The following MRNIP variants were observed in gnomAD, a reference collection of about 807,000 sequenced individuals.
MRNIP encodes MRN complex-interacting protein.
Under a neutral mutation model 29.8 loss-of-function variants are expected in MRNIP, and 30 were observed. The ratio of observed to expected loss-of-function variants is 1.01; its 90% CI spans 0.75 to 1.36. The LOEUF is 1.36. Ranked by LOEUF, MRNIP falls within the 40% of genes most tolerant of loss-of-function variation. The pLI is 0.00. For synonymous variants in MRNIP, 201 were observed against 164.1 expected, an observed-to-expected ratio of 1.23 and a Z score of -1.72; for missense variants, 459 against 423.5, an observed-to-expected ratio of 1.08 and a Z score of -0.74.
intron 2 of MRNIP, among the ~76,000 whole-genome samples, chr5:179,852,310 C>T (rs1469520011): frequency 2.0e-5 from 3 of 150,584 alleles, no homozygotes; most frequent in Non-Finnish European, 3.0e-5. Context: ...CCCCAAAAAA[C>T]AGCAATTTAA....
In MRNIP at chr5:179,837,512, G is replaced by C; in HGVS notation, c.911C>G (p.Ser304Ter). ...SGSERPCGKT[S>*]WDARTPWAEG... ...TGCCCAGGGAGTCCTTGCGTCCCAT[G>C]AGGTCTTCCCGCAAGGCCTCTCAGA... is the stretch of plus-strand genomic sequence containing the variant. The change falls in exon 7 of 7, where the codon TCA becomes TGA. Residue 304 changes from serine (S) to a stop codon, truncating the protein, a stop_gained. Transcript: ENST00000292586. LOFTEE classifies it low-confidence loss of function (END_TRUNC). The C allele has an allele frequency of 4.3e-6, 7 of 1,614,230 alleles. No individual in the cohort carries two copies. Among genetic ancestry groups the C allele is most frequent in the Non-Finnish European group, 5.1e-6 (6 of 1,180,034 alleles).
intron 1 of MRNIP, among the ~76,000 whole-genome samples, chr5:179,857,610 T>G (rs1054820667): frequency 2.0e-5 from 3 of 152,144 alleles, no homozygotes; most frequent in African/African-American, 7.2e-5. Context: ...AGAAAATAAG[T>G]AAAAAGTTTC....
At position 179,858,774 on chromosome 5, in the gene MRNIP, C is replaced by T; in HGVS notation, c.23G>A (p.Arg8Gln). ...GCGGCAGCTGCAGCAGCGTAGCACC[C>T]GAGAACGCTGAAGCGACGCCATCCC... MASLQRS[R>Q]VLRCCSCRLF... Residue 8 changes from arginine to glutamine, a missense_variant, in exon 1 of 7, where the codon CGG (arginine) becomes CAG (glutamine). Transcript: ENST00000292586. 1.9e-6 allele frequency: 3 copies of T among 1,541,226 alleles called. No individual in the cohort carries two copies. The highest frequency in any genetic ancestry group is 2.0e-5 in the Admixed American group (1 of 50,544).
At chr5:179,841,873 TG>T in intron 5 of MRNIP, 33 bp downstream of exon 5, 1 of 1,608,098 alleles carries the variant, frequency 6.2e-7, no homozygotes, top group African/African-American at 1.3e-5. Context: ...GCAGAGGCCC[TG>T]GGCCAGGGCT....
intron 2 of MRNIP, among the ~76,000 whole-genome samples, chr5:179,851,764 G>T (rs1304864816): frequency 6.6e-6 from 1 of 152,026 alleles, no homozygotes; most frequent in Non-Finnish European, 1.5e-5. Flanking sequence ...AGATCACGAG[G>T]TCAGGAGATT....
chr5:179,837,554 T>G lies in MRNIP; in HGVS notation c.869A>C (p.His290Pro), dbSNP rs1758649926. 1 of 1,614,066 alleles carries G rather than the reference T, an allele frequency of 6.2e-7. No individual in the cohort carries two copies. Among genetic ancestry groups the G allele is most frequent in the African/African-American group, 1.3e-5 (1 of 75,034 alleles). Residue 290 changes from histidine to proline, a missense_variant, in exon 7 of 7, where the codon CAC (histidine) becomes CCC (proline). Physicochemically the swap from His to Pro is moderately conservative, Grantham distance 77. Transcript: ENST00000292586. ...TAAVQLPRAT[H>P]PVTSGSERPC... ...CCTCTCAGACCCAGATGTGACGGGGTGTGTGGCCCGAGGAAGCTGGACAGC... is the reference window on the plus strand; with the variant it reads ...CCTCTCAGACCCAGATGTGACGGGGGGTGTGGCCCGAGGAAGCTGGACAGC...
chr5:179,844,101 A>C (rs1004740611), intron 4 of MRNIP, 51 bp downstream of exon 4: 3 of 1,453,674 alleles, frequency 2.1e-6, no homozygotes, highest in Non-Finnish European at 2.9e-6. Context: ...CTGTGCATTC[A>C]TCCCTTCCCT....
In MRNIP at chr5:179,844,139, G is replaced by T; in HGVS notation, c.291+13C>A. The stretch of plus-strand genomic sequence containing the variant: ...CACAGAGCCAGCCTGGGGCAGGTGG[G>T]CCTGAGGCTTACCTGCTGCTTCACA... On this transcript the variant is annotated intron_variant, in intron 4 of 6. Transcript: ENST00000292586. 1 of 1,612,680 alleles carries T rather than the reference G, an allele frequency of 6.2e-7. No homozygotes were observed. The highest frequency in any genetic ancestry group is 8.5e-7 in the Non-Finnish European group (1 of 1,178,790).
intron 1 of MRNIP, among the ~76,000 whole-genome samples, chr5:179,856,172 C>T (rs1292985052): frequency 6.6e-6 from 1 of 151,960 alleles, no homozygotes; most frequent in East Asian, 1.9e-4. Context: ...TCCCAAAGTG[C>T]TGGGATTACA....
chr5:179,845,702 G>C (rs1160939818), intron 3 of MRNIP: 1 of 151,642 alleles, frequency 6.6e-6, no homozygotes, highest in African/African-American at 2.4e-5. Context: ...CACCATGTTG[G>C]CCAAGCTGGG....
intron 3 of MRNIP, chr5:179,846,110 C>A (rs975614646): frequency 4.6e-5 from 7 of 151,012 alleles, no homozygotes; most frequent in African/African-American, 9.8e-5. Context: ...TCACCCACTT[C>A]TTTTATTGGA....
chr5:179,852,611 G>T (rs1759417933), intron 2 of MRNIP, among the ~76,000 whole-genome samples: 1 of 152,204 alleles, frequency 6.6e-6, no homozygotes, highest in African/African-American at 2.4e-5. Context: ...ATACTGAGAA[G>T]AGGGAGGGGA....
intron 4 of MRNIP, among the ~76,000 whole-genome samples, chr5:179,842,699 CAAAAAAAAAAAA>C (rs58952171): frequency 2.4e-4 from 7 of 28,992 alleles, no homozygotes; most frequent in African/African-American, 8.7e-4. Context: ...GACTCCGTCT[CAAAAAAAAAAAA>C]AAAAAAAAAA....
intron 2 of MRNIP, among the ~76,000 whole-genome samples, chr5:179,851,963 C>T (rs141551952): frequency 0.019 from 2,793 of 148,262 alleles, 98 homozygotes; most frequent in African/African-American, 0.067. Context: ...AGTGACAGAG[C>T]GAGACTCCGT....
rs1387415599 is a variant in MRNIP, at chr5:179,838,046, A to G, written c.538-161T>C. 18 of 657,016 alleles carry G rather than the reference A, an allele frequency of 2.7e-5. No homozygotes were observed. The South Asian group carries it at 3.1e-4, about 11-fold the overall frequency. 40.7% of individuals were successfully genotyped at this position (657,016 alleles called of 1,614,324 possible). On this transcript the variant is annotated intron_variant, in intron 6 of 6. Transcript: ENST00000292586. Reference sequence around the variant, plus strand: ...CTTTGATTTTGAGGGTTAGCAAGACAAAGCAAATAAATGCCTTCCACCTCA... The same window carrying G: ...CTTTGATTTTGAGGGTTAGCAAGACGAAGCAAATAAATGCCTTCCACCTCA...
chr5:179,847,414 C>A, intron 3 of MRNIP: 1 of 152,742 alleles, frequency 6.5e-6, no homozygotes, highest in Non-Finnish European at 1.5e-5. Context: ...GTGATCTGCC[C>A]GCCTTGGCCT....
chr5:179,841,681 G>A, intron 5 of MRNIP: 1 of 588,944 alleles, frequency 1.7e-6, no homozygotes. Context: ...CATAAAGGGT[G>A]TGCACACGGG....
intron 2 of MRNIP, among the ~76,000 whole-genome samples, chr5:179,848,346 G>A (rs955327417): frequency 1.3e-5 from 2 of 151,888 alleles, no homozygotes; most frequent in African/African-American, 4.9e-5. Flanking sequence ...TACACAAAAT[G>A]GTTAGTGCAC....
At chr5:179,845,127 A>G (rs1759073481) in intron 3 of MRNIP, among the ~76,000 whole-genome samples, 1 of 152,022 alleles carries the variant, frequency 6.6e-6, no homozygotes. Context: ...ATAATTTTCT[A>G]GATTTATCTT....
Sources: allele counts gnomAD v4.1 joint callset (sites outside exome capture counted in the v4.1 genomes callset), GRCh38; gene constraint gnomAD v4.1.1; transcripts MANE v1.5; gene names NCBI Gene and HGNC (gene_info 2026-07-23, HGNC 2026-07-21).